DMRT1: variants seen among roughly 807,000 people sequenced by gnomAD.
DMRT1 encodes the protein doublesex- and mab-3-related transcription factor 1.
DMRT1 carries 7 observed loss-of-function variants against 32.3 expected under a neutral mutation model. The ratio of observed to expected loss-of-function variants is 0.22; its 90% CI spans 0.12 to 0.41. The LOEUF is 0.41. Among genes scored for constraint, DMRT1 ranks in the 10% least tolerant of loss-of-function variants. The pLI is 1.00. For missense variants in DMRT1, 625 were observed against 500.5 expected (o/e 1.25, Z -2.37); for synonymous variants, 278 against 206.1 (o/e 1.35, Z -2.99).
intron 3 of DMRT1, among the ~76,000 whole-genome samples, chr9:907,115 A>C (rs1237779164): frequency 6.6e-6 from 1 of 152,224 alleles, no homozygotes; most frequent in Non-Finnish European, 1.5e-5. Flanking sequence ...CATCCGTACA[A>C]ACACACACCC....
At chr9:921,130 C>T (rs571901113) in intron 4 of DMRT1, among the ~76,000 whole-genome samples, 6 of 152,294 alleles carry the variant, frequency 3.9e-5, no homozygotes, top group African/African-American at 1.2e-4. Flanking sequence ...TTGCAAGGCA[C>T]TTTCATCACC....
intron 2 of DMRT1, among the ~76,000 whole-genome samples, chr9:873,739 T>A (rs1252204394): frequency 6.6e-6 from 1 of 151,730 alleles, no homozygotes; most frequent in Admixed American, 6.6e-5. Flanking sequence ...GAAAGGTGTT[T>A]TAATAACTGG....
In DMRT1 at chr9:888,669, C is replaced by G. The variant is rs533148397; in HGVS notation, c.539-5243C>G. 4.6e-5 allele frequency among the ~76,000 whole-genome samples: 7 copies of G among 150,998 alleles called. No individual in the cohort carries two copies. In the East Asian group the frequency reaches 1.2e-3, roughly 25 times the overall value. ...GATGCAGTCAGGGGCATGAAGGTATCTCATATTTTTAGGAATAGCGTGTGG... is the reference window on the plus strand; with the variant it reads ...GATGCAGTCAGGGGCATGAAGGTATGTCATATTTTTAGGAATAGCGTGTGG... On this transcript the variant is annotated intron_variant, in intron 2 of 4. Transcript: ENST00000382276.
At chr9:934,654 A>T (rs1157950996) in intron 4 of DMRT1, among the ~76,000 whole-genome samples, 1 of 152,046 alleles carries the variant, frequency 6.6e-6, no homozygotes, top group African/African-American at 2.4e-5. Flanking sequence ...ATCCATTTTG[A>T]GTTAATTTTT....
intron 2 of DMRT1, among the ~76,000 whole-genome samples, chr9:886,547 TG>T (rs1816937888): frequency 6.6e-6 from 1 of 152,026 alleles, no homozygotes; most frequent in Admixed American, 6.6e-5. Flanking sequence ...TGAGCCACCG[TG>T]TACGGCCAAA....
chr9:850,712 A>T (rs1193875516), intron 2 of DMRT1, among the ~76,000 whole-genome samples: 1 of 148,134 alleles, frequency 6.8e-6, no homozygotes, highest in Non-Finnish European at 1.5e-5. Context: ...GAGAATTTTT[A>T]GTGACCTAGA....
At chr9:909,689 A>T (rs914923554) in intron 3 of DMRT1, among the ~76,000 whole-genome samples, 1 of 146,794 alleles carries the variant, frequency 6.8e-6, no homozygotes, top group Non-Finnish European at 1.5e-5. Flanking sequence ...ACTGTAAGCC[A>T]CATATGAATA....
At chr9:876,918 G>A (rs1816526602) in intron 2 of DMRT1, among the ~76,000 whole-genome samples, 1 of 152,070 alleles carries the variant, frequency 6.6e-6, no homozygotes. Flanking sequence ...TGAGGTCTCA[G>A]AAGAGGCTGC....
At chr9:898,649 C>A (rs1027520932) in intron 3 of DMRT1, among the ~76,000 whole-genome samples, 1 of 152,176 alleles carries the variant, frequency 6.6e-6, no homozygotes, top group Non-Finnish European at 1.5e-5. Context: ...TTGGAGAGCA[C>A]CTGTGCTGTT....
At chr9:905,480 G>GTGTGTC (rs768772903) in intron 3 of DMRT1, among the ~76,000 whole-genome samples, 10 of 34,488 alleles carry the variant, frequency 2.9e-4, no homozygotes, top group South Asian at 1.6e-3. Context: ...GCCCCTGTGT[G>GTGTGTC]TGTGTGTCTG....
At chr9:857,352 A>C (rs1206964449) in intron 2 of DMRT1, among the ~76,000 whole-genome samples, 1 of 152,100 alleles carries the variant, frequency 6.6e-6, no homozygotes, top group African/African-American at 2.4e-5. Context: ...ATATGTATAT[A>C]TATATTCAGT....
intron 3 of DMRT1, among the ~76,000 whole-genome samples, chr9:904,326 G>A (rs1285982871): frequency 6.6e-6 from 1 of 152,084 alleles, no homozygotes; most frequent in Non-Finnish European, 1.5e-5. Context: ...TTTTCAGAAC[G>A]TTTAATTACA....
chr9:959,821 T>C (rs279905), intron 4 of DMRT1, among the ~76,000 whole-genome samples: 134,320 of 152,240 alleles, frequency 0.88, 59,507 homozygotes, highest in East Asian at 1. Flanking sequence ...ACCCACCGCA[T>C]CCAGCCACCT....
At chr9:888,411 T>C (rs1251877906) in intron 2 of DMRT1, among the ~76,000 whole-genome samples, 1 of 152,102 alleles carries the variant, frequency 6.6e-6, no homozygotes, top group African/African-American at 2.4e-5. Flanking sequence ...GCTAAAGTGA[T>C]TCTCCTTCCT....
intron 3 of DMRT1, among the ~76,000 whole-genome samples, chr9:912,548 G>T (rs937748565): frequency 6.6e-6 from 1 of 152,128 alleles, no homozygotes; most frequent in Non-Finnish European, 1.5e-5. Flanking sequence ...ATAAGCACAC[G>T]CATGGATTTG....
chr9:844,701 GTTTTTCTTTCTTTCTTTCTTT>G (rs1292617569), intron 1 of DMRT1, among the ~76,000 whole-genome samples: 1 of 143,568 alleles, frequency 7.0e-6, no homozygotes, highest in Non-Finnish European at 1.5e-5. Context: ...AATTGTAGTT[GTTTTTCTTTCTTTCTTTCTTT>G]TTTTTTTTTT....
At chr9:923,332 G>A (rs986962213) in intron 4 of DMRT1, among the ~76,000 whole-genome samples, 8 of 152,282 alleles carry the variant, frequency 5.3e-5, no homozygotes, top group Non-Finnish European at 1.0e-4. Flanking sequence ...CGGCCATGTG[G>A]GGTGGTAGAG....
At chr9:854,994 C>G (rs1242734196) in intron 2 of DMRT1, among the ~76,000 whole-genome samples, 2 of 150,802 alleles carry the variant, frequency 1.3e-5, no homozygotes, top group Non-Finnish European at 2.9e-5. Flanking sequence ...GTCTCAATCT[C>G]CTGACCTCGT....
chr9:867,106 G>A (rs1816024665), intron 2 of DMRT1, among the ~76,000 whole-genome samples: 1 of 152,148 alleles, frequency 6.6e-6, no homozygotes, highest in Middle Eastern at 3.2e-3. Context: ...ATATAAAAGA[G>A]GGAGAGAGAT....
Sources: allele counts gnomAD v4.1 joint callset (sites outside exome capture counted in the v4.1 genomes callset), GRCh38; gene constraint gnomAD v4.1.1; transcripts MANE v1.5; gene names NCBI Gene and HGNC (gene_info 2026-07-23, HGNC 2026-07-21).